MCMDC2: variants seen among roughly 807,000 people sequenced by gnomAD.
MCMDC2 encodes minichromosome maintenance domain-containing protein 2.
In MCMDC2, 54 loss-of-function variants were observed where a neutral mutation model predicts 75.8. That is an observed-to-expected ratio of 0.71 (90% CI 0.57 to 0.89). The LOEUF (loss-of-function observed/expected upper bound fraction) is 0.89, where lower values mean the gene tolerates loss of function less well. MCMDC2 is among the 40% of genes least tolerant of loss of function. MCMDC2 has a pLI of 0.00. For synonymous variants in MCMDC2, 249 were observed against 274.6 expected (o/e 0.91, Z 0.92); for missense variants, 656 against 780.4 (o/e 0.84, Z 1.90).
intron 14 of MCMDC2, among the ~76,000 whole-genome samples, chr8:66,913,962 TAAAA>T (rs961586876): frequency 3.8e-5 from 3 of 78,598 alleles, no homozygotes; most frequent in Admixed American, 3.2e-4. Flanking sequence ...AGACTCTGTC[TAAAA>T]AAAAAAAAAA....
chr8:66,917,502 C>T (rs1054912479), intron 14 of MCMDC2, among the ~76,000 whole-genome samples: 1 of 152,212 alleles, frequency 6.6e-6, no homozygotes, highest in Non-Finnish European at 1.5e-5. Context: ...ACCATCACCA[C>T]CCTTCGTCGC....
downstream of MCMDC2, among the ~76,000 whole-genome samples, chr8:66,925,971 C>G (rs986450553): frequency 6.6e-6 from 1 of 151,908 alleles, no homozygotes; most frequent in Non-Finnish European, 1.5e-5. Flanking sequence ...CATGGTGAAA[C>G]CCCCATCTCT....
chr8:66,905,319 C>A lies in MCMDC2; in HGVS notation c.1863C>A (p.Ser621=). The change falls in exon 14 of 15, where the codon TCC becomes TCA. Residue 621 remains serine (S), a synonymous_variant. Transcript: ENST00000422365. ...TTGCAGCCTTACTATTTGAAACATC[C>A]CTCACATTGAAATATGGTAATGAAT... ...VLIAALLFET[S]LTLKYGATVF... 6.8e-7 allele frequency: 1 copy of A among 1,475,178 alleles called. No individual in the cohort carries two copies. Among genetic ancestry groups the A allele is most frequent in the South Asian group, 1.5e-5 (1 of 66,796 alleles). The allele number at this position is 1,475,178 out of a possible 1,614,324, so 91.4% of individuals were successfully genotyped here.
intron 14 of MCMDC2, among the ~76,000 whole-genome samples, chr8:66,914,233 T>G (rs1813221269): frequency 7.1e-6 from 1 of 140,452 alleles, no homozygotes; most frequent in African/African-American, 2.7e-5. Context: ...CAATGAGCCA[T>G]GATCATGCCA....
At chr8:66,883,324 A>G (rs955992650) in intron 8 of MCMDC2, among the ~76,000 whole-genome samples, 1 of 152,224 alleles carries the variant, frequency 6.6e-6, no homozygotes, top group African/African-American at 2.4e-5. Flanking sequence ...ACAGCAATGC[A>G]GGCGCTCTAT....
intron 9 of MCMDC2, among the ~76,000 whole-genome samples, chr8:66,885,312 G>A (rs1415884361): frequency 2.7e-5 from 4 of 148,834 alleles, no homozygotes; most frequent in African/African-American, 7.4e-5. Context: ...CAGCCTGGGC[G>A]ACAGAGCGAG....
At chr8:66,877,002 T>C (rs941678124) in intron 4 of MCMDC2, among the ~76,000 whole-genome samples, 1 of 152,092 alleles carries the variant, frequency 6.6e-6, no homozygotes, top group Non-Finnish European at 1.5e-5. Context: ...CCTCGTGATC[T>C]GCCCGCCTTG....
intron 14 of MCMDC2, among the ~76,000 whole-genome samples, chr8:66,914,820 A>C (rs978454749): frequency 6.6e-6 from 1 of 152,098 alleles, no homozygotes; most frequent in African/African-American, 2.4e-5. Context: ...GAAATTAGTG[A>C]ATTAGAGATA....
chr8:66,882,395 T>G (rs1811625739), intron 8 of MCMDC2, among the ~76,000 whole-genome samples: 1 of 152,068 alleles, frequency 6.6e-6, no homozygotes, highest in Non-Finnish European at 1.5e-5. Context: ...AGACACAGTC[T>G]TGCTCTGTCA....
At position 66,880,869 on chromosome 8, in the gene MCMDC2, A is replaced by C. The variant is rs548233542; in HGVS notation, c.730A>C (p.Asn244His). The change falls in exon 8 of 15, where the codon AAT becomes CAT. Residue 244 changes from asparagine (N) to histidine (H), a missense_variant. Coordinates refer to ENST00000422365, the MANE Select transcript of MCMDC2 (RefSeq NM_173518.5). ...FLRDESVNKM[N>H]IGNEYKIIGI... Reference sequence around the variant, plus strand: ...TTTAGATGAATCAGTGAATAAAATGAATATAGGAAATGAATATAAAATTAT... The same window carrying C: ...TTTAGATGAATCAGTGAATAAAATGCATATAGGAAATGAATATAAAATTAT... The C allele has an allele frequency of 5.1e-6, 8 of 1,555,838 alleles. No homozygotes were observed. The highest frequency in any genetic ancestry group is 6.9e-6 in the Non-Finnish European group (8 of 1,151,184).
At chr8:66,879,166 G>A (rs1487890388) in intron 7 of MCMDC2, among the ~76,000 whole-genome samples, 3 of 152,208 alleles carry the variant, frequency 2.0e-5, no homozygotes, top group East Asian at 3.8e-4. Context: ...GGGAAGCTAA[G>A]GTGGGAGGGT....
chr8:66,878,021 C>T (rs756513797), intron 5 of MCMDC2, among the ~76,000 whole-genome samples: 5 of 151,600 alleles, frequency 3.3e-5, no homozygotes, highest in Non-Finnish European at 7.4e-5. Flanking sequence ...TGCATTTTTT[C>T]TCCTTTTCTC....
intron 14 of MCMDC2, among the ~76,000 whole-genome samples, chr8:66,915,479 ATATATATT>A (rs937288169): frequency 7.0e-4 from 100 of 143,672 alleles, no homozygotes; most frequent in East Asian, 3.5e-3. Flanking sequence ...ATATATTTAT[ATATATATT>A]TATATATTTA....
intron 13 of MCMDC2, among the ~76,000 whole-genome samples, chr8:66,902,592 G>T (rs1812715031): frequency 6.7e-6 from 1 of 150,222 alleles, no homozygotes. Context: ...TACTCATGAG[G>T]CTGAGGCAGG....
At position 66,905,460 on chromosome 8, in the gene MCMDC2, T is replaced by A. The variant is rs558621366; in HGVS notation, c.1879+125T>A. ...ATTATTTTAAAGAATAACAAATCTC[T>A]ACCAGGTAAGGCCTGTTTTAATTTG... On this transcript the variant is annotated intron_variant, in intron 14 of 14. Transcript: ENST00000422365. The A allele has an allele frequency of 7.3e-4, 648 of 892,432 alleles. 6 individuals carry two copies. The African/African-American group carries it at 0.01, about 14-fold the overall frequency. 55.3% of individuals were successfully genotyped at this position (892,432 alleles called of 1,614,324 possible).
At chr8:66,885,035 T>C (rs1357412301) in intron 9 of MCMDC2, among the ~76,000 whole-genome samples, 2 of 152,154 alleles carry the variant, frequency 1.3e-5, no homozygotes, top group East Asian at 3.9e-4. Context: ...TATCCAACTT[T>C]AAAATTTTGC....
intron 9 of MCMDC2, among the ~76,000 whole-genome samples, chr8:66,887,715 G>T (rs1811911329): frequency 6.6e-6 from 1 of 152,168 alleles, no homozygotes; most frequent in Non-Finnish European, 1.5e-5. Context: ...CAATCCTCCT[G>T]CCTTAATCTC....
chr8:66,909,679 A>G (rs181882233), intron 14 of MCMDC2, among the ~76,000 whole-genome samples: 174 of 152,284 alleles, frequency 1.1e-3, no homozygotes, highest in African/African-American at 3.9e-3. Context: ...AGAAATTGGA[A>G]CTTACATTTA....
At chr8:66,901,088 C>CT in intron 12 of MCMDC2, 118 bp from the exon 13 acceptor site, 3 of 723,342 alleles carry the variant, frequency 4.1e-6, no homozygotes, top group Non-Finnish European at 6.9e-6. Flanking sequence ...GACATTTACT[C>CT]TTTTTTATGT....
Sources: gnomAD v4.1 joint callset for allele counts (sites outside exome capture counted in the v4.1 genomes callset) on GRCh38, gnomAD v4.1.1 for gene constraint, MANE v1.5 for transcripts, NCBI Gene and HGNC (gene_info 2026-07-23, HGNC 2026-07-21) for gene names.